The following BCL2 variants were observed in gnomAD, a reference collection of about 807,000 sequenced individuals.
BCL2 encodes the protein BCL2 apoptosis regulator.
In BCL2, 1 loss-of-function variant was observed where a neutral mutation model predicts 14.2. The observed-to-expected ratio is 0.07, with a 90% CI of 0.02 to 0.33. The LOEUF (loss-of-function observed/expected upper bound fraction) is 0.33. Among genes scored for constraint, BCL2 ranks in the 10% least tolerant of loss-of-function variants. The pLI, the probability that BCL2 is intolerant of heterozygous loss-of-function variation, is 0.99. For synonymous variants in BCL2, 151 were observed against 137.2 expected, an observed-to-expected ratio of 1.10 and a Z score of -0.70; for missense variants, 247 against 305.9, an observed-to-expected ratio of 0.81 and a Z score of 1.44.
At chr18:63,146,985 G>C (rs1914529593) in intron 2 of BCL2, among the ~76,000 whole-genome samples, 1 of 152,184 alleles carries the variant, frequency 6.6e-6, no homozygotes, top group Admixed American at 6.5e-5. Context: ...CAAGAATTCG[G>C]AGCTTTTAAT....
intron 2 of BCL2, among the ~76,000 whole-genome samples, chr18:63,290,477 T>G (rs1246540381): frequency 6.6e-6 from 1 of 152,198 alleles, no homozygotes; most frequent in Non-Finnish European, 1.5e-5. Context: ...CGAGGTTTGT[T>G]CCCTTAGAAC....
chr18:63,214,090 A>G (rs1292582886), intron 2 of BCL2, among the ~76,000 whole-genome samples: 3 of 152,216 alleles, frequency 2.0e-5, no homozygotes, highest in Non-Finnish European at 4.4e-5. Flanking sequence ...AGAGTGGGCC[A>G]TGGCTGTGAT....
intron 2 of BCL2, among the ~76,000 whole-genome samples, chr18:63,272,736 TACAC>T (rs1393770139): frequency 6.6e-6 from 1 of 152,210 alleles, no homozygotes; most frequent in Non-Finnish European, 1.5e-5. Flanking sequence ...AGATCATAAA[TACAC>T]ACACAGCAGG....
chr18:63,283,871 TTCTTCCTGCTTCCTAGTTTTA>T, intron 2 of BCL2, among the ~76,000 whole-genome samples: 1 of 152,370 alleles, frequency 6.6e-6, no homozygotes, highest in Non-Finnish European at 1.5e-5. Context: ...TCCCCGAGGA[TTCTTCCTGCTTCCTAGTTTTA>T]GGTAGATCAA....
chr18:63,176,174 T>C (rs1915344455), intron 2 of BCL2, among the ~76,000 whole-genome samples: 1 of 152,164 alleles, frequency 6.6e-6, no homozygotes, highest in African/African-American at 2.4e-5. Context: ...AATGGCAGGA[T>C]GGAAATGAGT....
chr18:63,155,815 C>A (rs965702150), intron 2 of BCL2, among the ~76,000 whole-genome samples: 4 of 152,292 alleles, frequency 2.6e-5, no homozygotes, highest in Admixed American at 6.5e-5. Flanking sequence ...TGAACCCTCT[C>A]CTTTCTTTCT....
intron 2 of BCL2, among the ~76,000 whole-genome samples, chr18:63,156,921 G>A (rs1336714708): frequency 1.3e-5 from 2 of 152,202 alleles, no homozygotes; most frequent in South Asian, 4.2e-4. Flanking sequence ...TTCTTCCCTC[G>A]CTTTCTTCTC....
chr18:63,227,464 C>G (rs1359704473), intron 2 of BCL2, among the ~76,000 whole-genome samples: 1 of 152,184 alleles, frequency 6.6e-6, no homozygotes, highest in Non-Finnish European at 1.5e-5. Flanking sequence ...CCTGCCTCAG[C>G]CTCTCAAAGT....
chr18:63,136,758 T>C (rs1914220033), intron 2 of BCL2, among the ~76,000 whole-genome samples: 1 of 152,182 alleles, frequency 6.6e-6, no homozygotes, highest in Non-Finnish European at 1.5e-5. Flanking sequence ...CTGCTATTCA[T>C]TGGTTGAAGG....
chr18:63,199,595 TA>T (rs1487409635), intron 2 of BCL2, among the ~76,000 whole-genome samples: 1 of 145,720 alleles, frequency 6.9e-6, no homozygotes, highest in Non-Finnish European at 1.5e-5. Flanking sequence ...AGACACAACA[TA>T]GACACACATA....
intron 2 of BCL2, among the ~76,000 whole-genome samples, chr18:63,290,567 T>C (rs917406162): frequency 6.6e-6 from 1 of 152,176 alleles, no homozygotes; most frequent in Non-Finnish European, 1.5e-5. Flanking sequence ...AACACTCCAT[T>C]CATAGTAAGG....
intron 2 of BCL2, among the ~76,000 whole-genome samples, chr18:63,301,143 GGAA>G (rs1912949833): frequency 6.6e-6 from 1 of 152,134 alleles, no homozygotes; most frequent in African/African-American, 2.4e-5. Context: ...TCCACTTATG[GGAA>G]GAATCAAATT....
intron 2 of BCL2, among the ~76,000 whole-genome samples, chr18:63,281,576 A>G (rs961417476): frequency 6.6e-6 from 1 of 151,716 alleles, no homozygotes. Context: ...CTGAGGCAGG[A>G]GGAGTTCTTG....
At position 63,158,156 on chromosome 18, in the gene BCL2, A is replaced by G. The variant is rs1914831574; in HGVS notation, c.586-29397T>C. Among the ~76,000 whole-genome samples the G allele has an allele frequency of 2.0e-5, 3 of 152,104 alleles. No individual in the cohort carries two copies. In the South Asian group the frequency reaches 6.2e-4, roughly 32 times the overall value. On this transcript the variant is annotated intron_variant, in intron 2 of 2. Transcript: ENST00000333681. The stretch of plus-strand genomic sequence containing the variant: ...GCTCGGGAGGCACCACTCGGTAGGA[A>G]GACCCTCCTGGTTTCTCAAGCTGGA...
At chr18:63,237,052 C>A (rs1461387583) in intron 2 of BCL2, among the ~76,000 whole-genome samples, 1 of 152,140 alleles carries the variant, frequency 6.6e-6, no homozygotes, top group Non-Finnish European at 1.5e-5. Flanking sequence ...TGTTCTCTTG[C>A]CTCTGGGAAA....
At chr18:63,276,238 A>AT (rs1360825008) in intron 2 of BCL2, among the ~76,000 whole-genome samples, 1 of 152,276 alleles carries the variant, frequency 6.6e-6, no homozygotes, top group East Asian at 1.9e-4. Context: ...CCCCTTCATT[A>AT]TTTTTATGAA....
intron 2 of BCL2, among the ~76,000 whole-genome samples, chr18:63,160,871 G>C (rs1177880899): frequency 6.6e-6 from 1 of 152,080 alleles, no homozygotes; most frequent in Non-Finnish European, 1.5e-5. Flanking sequence ...CTGCTGGAGA[G>C]GGACCAGAGG....
intron 2 of BCL2, among the ~76,000 whole-genome samples, chr18:63,180,653 G>A (rs1369393445): frequency 1.3e-4 from 20 of 152,204 alleles, no homozygotes; most frequent in Admixed American, 1.3e-3. Context: ...CGGAGAAGCA[G>A]GGGGAACTGA....
At position 63,196,474 on chromosome 18, in the gene BCL2, C is replaced by T. The variant is rs1213884828; in HGVS notation, c.586-67715G>A. On this transcript the variant is annotated intron_variant, in intron 2 of 2. Transcript: ENST00000333681. ...CACTTGGTTACTAAAACCTTCTTCT[C>T]GATGGAAAGAAACCATTAGAGATTG... Among the ~76,000 whole-genome samples the T allele has an allele frequency of 2.6e-5, 4 of 151,796 alleles. No individual in the cohort carries two copies. In the South Asian group the frequency reaches 6.3e-4, roughly 24 times the overall value.
Sources: gnomAD v4.1 joint callset for allele counts (sites outside exome capture counted in the v4.1 genomes callset) on GRCh38, gnomAD v4.1.1 for gene constraint, MANE v1.5 for transcripts, NCBI Gene and HGNC (gene_info 2026-07-23, HGNC 2026-07-21) for gene names.